TRIP11: variants seen among roughly 807,000 people sequenced by gnomAD.
TRIP11 encodes thyroid receptor-interacting protein 11.
A neutral mutation model predicts 223.1 loss-of-function variants in TRIP11; 148 were observed. The ratio of observed to expected loss-of-function variants is 0.66; its 90% CI spans 0.58 to 0.76. TRIP11 has a LOEUF of 0.76. TRIP11 is among the 30% of genes least tolerant of loss of function. TRIP11 has a pLI of 0.00. For missense variants in TRIP11, 2,043 were observed against 2,222.0 expected (o/e 0.92, Z 1.62); for synonymous variants, 762 against 772.6 (o/e 0.99, Z 0.23).
intron 4 of TRIP11, among the ~76,000 whole-genome samples, chr14:92,020,597 G>T (rs1472034637): frequency 6.6e-6 from 1 of 151,754 alleles, no homozygotes; most frequent in East Asian, 1.9e-4. Context: ...GAGTCTCAGG[G>T]ACTCCAGAAG....
intron 16 of TRIP11, among the ~76,000 whole-genome samples, chr14:91,986,955 C>A (rs1165431607): frequency 6.6e-6 from 1 of 152,154 alleles, no homozygotes; most frequent in Non-Finnish European, 1.5e-5. Context: ...AACCATTTTC[C>A]TGATAGGGCT....
chr14:92,001,790 T>C (rs1193652329), intron 11 of TRIP11, among the ~76,000 whole-genome samples: 1 of 152,204 alleles, frequency 6.6e-6, no homozygotes, highest in Non-Finnish European at 1.5e-5. Flanking sequence ...CTAGAGCCAA[T>C]TTGGGCTAGT....
At chr14:92,013,075 T>C (rs1470229521) in intron 7 of TRIP11, among the ~76,000 whole-genome samples, 1 of 152,196 alleles carries the variant, frequency 6.6e-6, no homozygotes, top group Admixed American at 6.5e-5. Context: ...GAGATCATCC[T>C]GGCCAACATG....
intron 7 of TRIP11, 148 bp from the exon 8 acceptor site, chr14:92,011,943 T>C (rs990236373): frequency 2.9e-6 from 2 of 693,486 alleles, no homozygotes; most frequent in African/African-American, 1.8e-5. Flanking sequence ...TATATTTGTA[T>C]TCCTGTTTTG....
intron 2 of TRIP11, chr14:92,026,436 C>A: frequency 1.6e-6 from 1 of 636,830 alleles, no homozygotes; most frequent in Non-Finnish European, 2.8e-6. Context: ...ACTGGCTGCT[C>A]TGAAAAGCCA....
At chr14:91,987,244 G>A (rs2140096350) in intron 16 of TRIP11, among the ~76,000 whole-genome samples, 1 of 152,258 alleles carries the variant, frequency 6.6e-6, no homozygotes, top group African/African-American at 2.4e-5. Flanking sequence ...TGGTTTGGCA[G>A]TAACTTGCCT....
intron 13 of TRIP11, among the ~76,000 whole-genome samples, chr14:91,996,648 AC>A (rs2056755055): frequency 6.6e-6 from 1 of 152,194 alleles, no homozygotes; most frequent in South Asian, 2.1e-4. Context: ...TTTGTAAGGA[AC>A]CCTGGAAGTC....
At chr14:91,997,264 C>G (rs2056762226) in intron 13 of TRIP11, among the ~76,000 whole-genome samples, 1 of 152,124 alleles carries the variant, frequency 6.6e-6, no homozygotes, top group African/African-American at 2.4e-5. Flanking sequence ...GTTTGTAGAT[C>G]TGAGTTACTC....
chr14:91,984,017 A>C (rs1306179668), intron 16 of TRIP11, among the ~76,000 whole-genome samples: 1 of 152,148 alleles, frequency 6.6e-6, no homozygotes, highest in African/African-American at 2.4e-5. Flanking sequence ...ACATTCTTCT[A>C]GATTTTCTTT....
At position 92,014,415 on chromosome 14, in the gene TRIP11, C is replaced by G; in HGVS notation, c.986G>C (p.Arg329Thr). 3 of 1,611,228 alleles carry G rather than the reference C, an allele frequency of 1.9e-6. No homozygotes were observed. Among genetic ancestry groups the G allele is most frequent in the Non-Finnish European group, 2.5e-6 (3 of 1,178,662 alleles). Reference protein sequence around the residue: ...NKKLSSAENDRDILRREQEQL... With the variant: ...NKKLSSAENDTDILRREQEQL... ...TTCTTGTTCTCTCCTCAAAATATCT[C>G]TGTCATTTTCTGCAGAAGATAATTT... is the stretch of plus-strand genomic sequence containing the variant. Residue 329 changes from arginine to threonine, a missense_variant, in exon 7 of 21, where the codon AGA (arginine) becomes ACA (threonine). Coordinates refer to ENST00000267622, the MANE Select transcript of TRIP11 (RefSeq NM_004239.4).
At chr14:91,974,828 G>A (rs1470398699) in intron 18 of TRIP11, 85 bp from the exon 19 acceptor site, 1 of 1,106,170 alleles carries the variant, frequency 9.0e-7, no homozygotes, top group Non-Finnish European at 1.3e-6. Flanking sequence ...ATTTCTGATA[G>A]TTGTAAAGCA....
At position 92,014,224 on chromosome 14, in the gene TRIP11, C is replaced by G; in HGVS notation, c.1177G>C (p.Ala393Pro). 1 of 1,613,990 alleles carries G rather than the reference C, an allele frequency of 6.2e-7. No individual in the cohort carries two copies. The highest frequency in any genetic ancestry group is 1.1e-5 in the South Asian group (1 of 91,078). The change falls in exon 7 of 21, where the codon GCA (alanine) becomes CCA (proline). Residue 393 changes from alanine (A) to proline (P), a missense_variant. Physicochemically the swap from Ala to Pro is conservative, Grantham distance 27 (BLOSUM62 -1). Coordinates refer to ENST00000267622, the MANE Select transcript of TRIP11 (RefSeq NM_004239.4). ...TCCAAAGACTGTATACCAGACAGTG[C>G]TTGTTGTAGTCTGAACACTTCTTCC... ...SVEEVFRLQQ[A>P]LSDAENEIMR...
At chr14:92,021,529 C>T in intron 4 of TRIP11, 27 bp downstream of exon 4, 1 of 1,612,324 alleles carries the variant, frequency 6.2e-7, no homozygotes, top group East Asian at 2.2e-5. Context: ...TCAAAGTTTT[C>T]AAAAACTCTA....
intron 1 of TRIP11, among the ~76,000 whole-genome samples, chr14:92,038,941 G>A (rs1465947281): frequency 6.6e-6 from 1 of 152,148 alleles, no homozygotes; most frequent in Admixed American, 6.5e-5. Flanking sequence ...GAATAGGGTT[G>A]TCTTCCCTAT....
intron 1 of TRIP11, among the ~76,000 whole-genome samples, chr14:92,034,642 A>T (rs1283338331): frequency 2.0e-5 from 3 of 152,152 alleles, no homozygotes; most frequent in African/African-American, 7.2e-5. Flanking sequence ...CTACATTTTC[A>T]TCTTTATTTT....
intron 16 of TRIP11, among the ~76,000 whole-genome samples, chr14:91,980,388 A>G (rs1481816950): frequency 6.6e-6 from 1 of 152,192 alleles, no homozygotes; most frequent in Admixed American, 6.5e-5. Context: ...CAGTCACCTG[A>G]CTGAGAAAAA....
At position 91,975,205 on chromosome 14, in the gene TRIP11, G is replaced by A; in HGVS notation, c.5424C>T (p.Ser1808=). 1 of 1,613,654 alleles carries A rather than the reference G, an allele frequency of 6.2e-7. No homozygotes were observed. Among genetic ancestry groups the A allele is most frequent in the Non-Finnish European group, 8.5e-7 (1 of 1,179,762 alleles). ...QRHEVLRLMG[S]ILGVRREEME... ...TCTCCTCCCTTCTGACGCCCAGGATGCTCCCCATTAACCGTAACACTTCAT... is the reference window on the plus strand; with the variant it reads ...TCTCCTCCCTTCTGACGCCCAGGATACTCCCCATTAACCGTAACACTTCAT... Residue 1808 remains serine (S), a synonymous_variant, in exon 18 of 21, where the codon AGC becomes AGT. Transcript: ENST00000267622.
intron 16 of TRIP11, among the ~76,000 whole-genome samples, chr14:91,981,642 C>G (rs1263041988): frequency 1.3e-5 from 2 of 152,244 alleles, no homozygotes; most frequent in African/African-American, 4.8e-5. Flanking sequence ...ATCCATCTGC[C>G]TCAGCCTCCC....
intron 15 of TRIP11, among the ~76,000 whole-genome samples, chr14:91,988,964 G>C (rs758548079): frequency 2.6e-5 from 4 of 152,290 alleles, no homozygotes; most frequent in Admixed American, 6.5e-5. Flanking sequence ...CCTGTGCTAA[G>C]CAAATACCGT....
Sources: allele counts gnomAD v4.1 joint callset (sites outside exome capture counted in the v4.1 genomes callset), GRCh38; gene constraint gnomAD v4.1.1; transcripts MANE v1.5; gene names NCBI Gene and HGNC (gene_info 2026-07-23, HGNC 2026-07-21).